Variants in YPEL2 observed in about 807,000 individuals in gnomAD.
YPEL2 encodes yippee like 2.
Under a neutral mutation model 19.1 loss-of-function variants are expected in YPEL2, and 2 were observed. The ratio of observed to expected loss-of-function variants is 0.10; its 90% CI spans 0.04 to 0.33. The LOEUF is 0.33. Among genes scored for constraint, YPEL2 ranks in the 10% least tolerant of loss-of-function variants. YPEL2 has a pLI of 1.00. For missense variants in YPEL2, 66 were observed against 140.7 expected (o/e 0.47, Z 2.68); for synonymous variants, 52 against 50.0 (o/e 1.04, Z -0.17).
intron 2 of YPEL2, chr17:59,356,156 C>G (rs1197866341): frequency 6.6e-6 from 1 of 152,094 alleles, no homozygotes; most frequent in Non-Finnish European, 1.5e-5. Context: ...CCTCTCTTGA[C>G]TTAATCTCCT....
chr17:59,331,913 C>G (rs1280259283), intron 1 of YPEL2, 89 bp downstream of exon 1: 3 of 151,314 alleles, frequency 2.0e-5, no homozygotes, highest in Admixed American at 6.6e-5. Flanking sequence ...GCCCCGGCCT[C>G]CGGACTCCCC....
chr17:59,400,348 T>A lies in YPEL2; in HGVS notation c.*3158T>A, dbSNP rs1410697414. 1 of 152,624 alleles carries A rather than the reference T, an allele frequency of 6.6e-6. No individual in the cohort carries two copies. Among genetic ancestry groups the A allele is most frequent in the African/African-American group, 2.4e-5 (1 of 41,446 alleles). The allele number at this position is 152,624 out of a possible 1,614,324, so 9.5% of individuals were successfully genotyped here. A position where few individuals can be genotyped will look rare whatever the true frequency, so the allele number is the denominator to read the frequency against. On this transcript the variant is annotated 3_prime_UTR_variant, in exon 5 of 5. Coordinates refer to ENST00000312655, the MANE Select transcript of YPEL2 (RefSeq NM_001005404.4). ...TATACTTTTGTAAATAATATTTAAT[T>A]TTTTAAATAATATATTTGGTGCTGT...
At chr17:59,351,236 G>A (rs1296784769) in intron 1 of YPEL2, among the ~76,000 whole-genome samples, 4 of 152,056 alleles carry the variant, frequency 2.6e-5, no homozygotes, top group African/African-American at 9.7e-5. Flanking sequence ...TTAGCCAGGC[G>A]TGGTGGCGGG....
chr17:59,361,426 A>C (rs923203403), intron 2 of YPEL2, among the ~76,000 whole-genome samples: 4 of 152,108 alleles, frequency 2.6e-5, no homozygotes, highest in African/African-American at 9.7e-5. Context: ...TGAAGTTTCT[A>C]CTTCATCTTA....
chr17:59,351,943 A>G (rs1254735109), intron 1 of YPEL2, among the ~76,000 whole-genome samples: 4 of 152,160 alleles, frequency 2.6e-5, no homozygotes, highest in African/African-American at 7.2e-5. Context: ...TCCCAGAAGT[A>G]TGGCGGCCTC....
chr17:59,359,579 T>G (rs1006574337), intron 2 of YPEL2, among the ~76,000 whole-genome samples: 1 of 152,230 alleles, frequency 6.6e-6, no homozygotes, highest in African/African-American at 2.4e-5. Flanking sequence ...TATGAACTTA[T>G]CTAATTTGCA....
intron 4 of YPEL2, among the ~76,000 whole-genome samples, chr17:59,390,703 A>G (rs1044165072): frequency 2.0e-5 from 3 of 152,174 alleles, no homozygotes; most frequent in Non-Finnish European, 4.4e-5. Context: ...AAGGGCTGGG[A>G]TCTGCTGCTT....
At chr17:59,390,433 T>C (rs1183378661) in intron 4 of YPEL2, among the ~76,000 whole-genome samples, 1 of 152,192 alleles carries the variant, frequency 6.6e-6, no homozygotes, top group Non-Finnish European at 1.5e-5. Flanking sequence ...TGAGCCACAC[T>C]GTTGCCTGGT....
chr17:59,366,500 A>T (rs1033388935), intron 2 of YPEL2, among the ~76,000 whole-genome samples: 5 of 152,084 alleles, frequency 3.3e-5, no homozygotes, highest in African/African-American at 1.2e-4. Context: ...TGTTTCCCTG[A>T]TGGTCCCTGT....
rs192006313 is a variant in YPEL2 at position 59,348,962 on chromosome 17, G to A, written c.-195-4253G>A. On this transcript the variant is annotated intron_variant, in intron 1 of 4. Transcript: ENST00000312655. ...AGCACTTTGGGAGGCCGAGGTGGGC[G>A]GATCATGAGGTCAGGAGATCGAGAC... Among the ~76,000 whole-genome samples the A allele has an allele frequency of 1.1e-3, 160 of 152,192 alleles. 1 individual carries two copies. Among genetic ancestry groups the A allele is most frequent in the African/African-American group, 3.5e-3 (145 of 41,540 alleles).
At chr17:59,379,122 T>G (rs770505590) in intron 2 of YPEL2, among the ~76,000 whole-genome samples, 2 of 152,218 alleles carry the variant, frequency 1.3e-5, no homozygotes, top group Admixed American at 6.5e-5. Context: ...ATAAATCCCC[T>G]TCAGTCTTTC....
chr17:59,356,484 A>T (rs930001076), intron 2 of YPEL2, among the ~76,000 whole-genome samples: 1 of 152,194 alleles, frequency 6.6e-6, no homozygotes, highest in East Asian at 1.9e-4. Context: ...CTGTATTGCC[A>T]TGGTGGTGGA....
chr17:59,335,761 C>G (rs1472107576), intron 1 of YPEL2, among the ~76,000 whole-genome samples: 3 of 152,078 alleles, frequency 2.0e-5, no homozygotes, highest in Non-Finnish European at 2.9e-5. Flanking sequence ...ATTGTCCAGG[C>G]TGGTCTTGAA....
intron 2 of YPEL2, chr17:59,366,270 T>A (rs547693945): frequency 6.5e-6 from 1 of 154,254 alleles, no homozygotes; most frequent in Non-Finnish European, 1.5e-5. Flanking sequence ...GGAATTACAG[T>A]GGCAAACAGA....
chr17:59,400,621 A>G lies in YPEL2; in HGVS notation c.*3431A>G, dbSNP rs892215639. 1.3e-5 allele frequency: 2 copies of G among 152,554 alleles called. No homozygotes were observed. Among genetic ancestry groups the G allele is most frequent in the African/African-American group, 4.8e-5 (2 of 41,440 alleles). The allele number at this position is 152,554 out of a possible 1,614,324, so 9.5% of individuals were successfully genotyped here. A position where few individuals can be genotyped will look rare whatever the true frequency, so the allele number is the denominator to read the frequency against. On this transcript the variant is annotated 3_prime_UTR_variant, in exon 5 of 5. Transcript: ENST00000312655. ...GTTGAGAATTGAAATATTTTCTTGCATCAGTATTGGCTAGAAAAGAAAATA... is the reference window on the plus strand; with the variant it reads ...GTTGAGAATTGAAATATTTTCTTGCGTCAGTATTGGCTAGAAAAGAAAATA...
chr17:59,391,267 G>T (rs1324459721), intron 4 of YPEL2, among the ~76,000 whole-genome samples: 1 of 152,134 alleles, frequency 6.6e-6, no homozygotes, highest in Non-Finnish European at 1.5e-5. Flanking sequence ...TGTCAGTGTA[G>T]GTTCATCCAT....
chr17:59,332,600 C>G (rs1337257061), intron 1 of YPEL2, among the ~76,000 whole-genome samples: 3 of 152,010 alleles, frequency 2.0e-5, no homozygotes, highest in Non-Finnish European at 4.4e-5. Flanking sequence ...GAGTGGTGGG[C>G]TTTTCTCCGG....
chr17:59,385,202 T>G (rs923106248), intron 2 of YPEL2, among the ~76,000 whole-genome samples: 1 of 152,208 alleles, frequency 6.6e-6, no homozygotes, highest in African/African-American at 2.4e-5. Context: ...GAATGAATCC[T>G]AAAAGAATTG....
At chr17:59,362,784 C>T (rs917331388) in intron 2 of YPEL2, 2 of 152,134 alleles carry the variant, frequency 1.3e-5, no homozygotes, top group Admixed American at 1.3e-4. Context: ...GGTGCAGGAT[C>T]CCTCTGTTTC....
Sources: gnomAD v4.1 joint callset for allele counts (sites outside exome capture counted in the v4.1 genomes callset) on GRCh38, gnomAD v4.1.1 for gene constraint, MANE v1.5 for transcripts, NCBI Gene and HGNC (gene_info 2026-07-23, HGNC 2026-07-21) for gene names.